SPOCK1: variants seen among roughly 807,000 people sequenced by gnomAD.
SPOCK1 encodes the protein SPARC (osteonectin), cwcv and kazal like domains proteoglycan 1, also known as testican-1.
In SPOCK1, 23 loss-of-function variants were observed where a neutral mutation model predicts 55.3. That is an observed-to-expected ratio of 0.42 (90% CI 0.30 to 0.59). The LOEUF is 0.59. SPOCK1 is among the 20% of genes least tolerant of loss of function. SPOCK1 has a pLI of 0.22. For synonymous variants in SPOCK1, 226 were observed against 221.0 expected (o/e 1.02, Z -0.20); for missense variants, 499 against 552.5 (o/e 0.90, Z 0.97).
At chr5:137,411,335 A>T (rs1380222227) in intron 2 of SPOCK1, among the ~76,000 whole-genome samples, 1 of 152,130 alleles carries the variant, frequency 6.6e-6, no homozygotes, top group Non-Finnish European at 1.5e-5. Context: ...TACAAGCAGG[A>T]GGCAAGATGG....
At chr5:137,477,209 C>CA (rs1178034625) in intron 2 of SPOCK1, among the ~76,000 whole-genome samples, 1 of 152,102 alleles carries the variant, frequency 6.6e-6, no homozygotes, top group African/African-American at 2.4e-5. Flanking sequence ...ACGAAGGGGG[C>CA]ATATACAGCT....
chr5:137,096,968 T>A (rs1241230226), intron 5 of SPOCK1, among the ~76,000 whole-genome samples: 1 of 152,034 alleles, frequency 6.6e-6, no homozygotes, highest in Non-Finnish European at 1.5e-5. Flanking sequence ...AATAACTGAG[T>A]CTCCCTCTCT....
chr5:137,105,818 A>G, intron 5 of SPOCK1, among the ~76,000 whole-genome samples: 1 of 152,192 alleles, frequency 6.6e-6, no homozygotes, highest in East Asian at 1.9e-4. Context: ...TCGAGACATA[A>G]TTGAGCCATT....
chr5:137,340,064 C>T (rs1199841054), intron 2 of SPOCK1, among the ~76,000 whole-genome samples: 2 of 151,438 alleles, frequency 1.3e-5, no homozygotes, highest in Admixed American at 6.6e-5. Context: ...GGAAGTGCCT[C>T]ATAAATTCTA....
At chr5:137,267,965 C>T (rs1756890211) in intron 2 of SPOCK1, among the ~76,000 whole-genome samples, 1 of 152,196 alleles carries the variant, frequency 6.6e-6, no homozygotes, top group East Asian at 1.9e-4. Context: ...AATTGCTTTG[C>T]TATATGTGTT....
At chr5:137,484,928 C>T (rs552932861) in intron 2 of SPOCK1, among the ~76,000 whole-genome samples, 10 of 152,064 alleles carry the variant, frequency 6.6e-5, no homozygotes, top group East Asian at 1.9e-4. Flanking sequence ...AAAAAAGACG[C>T]GCCAAATCAT....
chr5:137,399,303 C>T (rs978343603), intron 2 of SPOCK1, among the ~76,000 whole-genome samples: 1 of 152,006 alleles, frequency 6.6e-6, no homozygotes, highest in African/African-American at 2.4e-5. Flanking sequence ...TCTAATAAAC[C>T]TACTAGGGGA....
intron 6 of SPOCK1, among the ~76,000 whole-genome samples, chr5:137,038,954 A>T (rs1751937108): frequency 6.6e-6 from 1 of 152,130 alleles, no homozygotes; most frequent in African/African-American, 2.4e-5. Context: ...CTTTTATTTA[A>T]TGCAGAGAGC....
chr5:137,396,360 T>G (rs544544319), intron 2 of SPOCK1, among the ~76,000 whole-genome samples: 1 of 152,240 alleles, frequency 6.6e-6, no homozygotes, highest in Non-Finnish European at 1.5e-5. Flanking sequence ...TATACATATA[T>G]TTTTATTTAA....
intron 3 of SPOCK1, among the ~76,000 whole-genome samples, chr5:137,163,838 C>A (rs900440868): frequency 6.6e-6 from 1 of 152,150 alleles, no homozygotes; most frequent in East Asian, 1.9e-4. Flanking sequence ...GTTCCTTTAC[C>A]AAGGCACAGC....
At chr5:137,088,467 G>C (rs1460412932) in intron 5 of SPOCK1, among the ~76,000 whole-genome samples, 1 of 152,178 alleles carries the variant, frequency 6.6e-6, no homozygotes, top group Non-Finnish European at 1.5e-5. Flanking sequence ...TGATCGGCCT[G>C]CTTCCAGGCA....
At chr5:137,183,665 A>G (rs757957719) in intron 3 of SPOCK1, among the ~76,000 whole-genome samples, 6 of 152,230 alleles carry the variant, frequency 3.9e-5, no homozygotes, top group Non-Finnish European at 8.8e-5. Flanking sequence ...AGCTACCTGG[A>G]GAACACTAGA....
At chr5:137,199,807 C>A (rs901247525) in intron 3 of SPOCK1, among the ~76,000 whole-genome samples, 1 of 152,168 alleles carries the variant, frequency 6.6e-6, no homozygotes, top group African/African-American at 2.4e-5. Context: ...CATGCCCAAC[C>A]TGGGTCCCTC....
Position 137,055,415 on chromosome 5 carries a change from A to T in SPOCK1, c.589+12300T>A, listed in dbSNP as rs577009305. Among the ~76,000 whole-genome samples, 3 of 152,284 alleles carry T rather than the reference A, an allele frequency of 2.0e-5. No individual in the cohort carries two copies. The South Asian group carries it at 6.2e-4, about 32-fold the overall frequency. On this transcript the variant is annotated intron_variant, in intron 6 of 10. Coordinates refer to ENST00000394945, the MANE Select transcript of SPOCK1 (RefSeq NM_004598.4). ...GTTTTAAGCTTTAAATTTTAAATATAGCTCAGAGGCCTTGAGAAGCAAGGT... is the reference window on the plus strand; with the variant it reads ...GTTTTAAGCTTTAAATTTTAAATATTGCTCAGAGGCCTTGAGAAGCAAGGT...
rs141204755 is a variant in SPOCK1, at chr5:137,142,848, C to T, written c.233-2154G>A. 2.8e-4 allele frequency among the ~76,000 whole-genome samples: 43 copies of T among 152,316 alleles called. No individual in the cohort carries two copies. The East Asian group carries it at 7.4e-3, about 26-fold the overall frequency. On this transcript the variant is annotated intron_variant, in intron 3 of 10. Transcript: ENST00000394945. ...AGACTGGTGCAGTCTCAGCCCAGTG[C>T]ACTGCCGCCCACGCCAACCCTGGGG... is the stretch of plus-strand genomic sequence containing the variant.
chr5:137,381,654 T>C (rs1036454268), intron 2 of SPOCK1, among the ~76,000 whole-genome samples: 2 of 152,210 alleles, frequency 1.3e-5, no homozygotes, highest in Non-Finnish European at 2.9e-5. Context: ...CTTTTAGCCA[T>C]GGCCAGAGCT....
In SPOCK1 at chr5:137,004,569, C is replaced by A. The variant is rs17702883; in HGVS notation, c.590-11969G>T. On this transcript the variant is annotated intron_variant, in intron 6 of 10. Coordinates refer to ENST00000394945, the MANE Select transcript of SPOCK1 (RefSeq NM_004598.4). ...TTTGCTATTATTATTATCTCTATTT[C>A]TAGTAAAACTGCTATATTTGATCTA... Among the ~76,000 whole-genome samples, 2,373 of 152,208 alleles carry A rather than the reference C, an allele frequency of 0.016. 162 individuals carry two copies. The East Asian group carries it at 0.22, about 14-fold the overall frequency.
intron 2 of SPOCK1, among the ~76,000 whole-genome samples, chr5:137,381,904 GT>G (rs1341117361): frequency 2.0e-5 from 3 of 152,202 alleles, no homozygotes; most frequent in African/African-American, 7.2e-5. Context: ...CCAAAAATGG[GT>G]TTTTTGTTTC....
intron 3 of SPOCK1, among the ~76,000 whole-genome samples, chr5:137,231,312 G>T (rs1374516823): frequency 6.6e-6 from 1 of 152,152 alleles, no homozygotes; most frequent in Non-Finnish European, 1.5e-5. Context: ...CTCCCAAAGT[G>T]CTGGGATTAT....
Sources: allele counts gnomAD v4.1 joint callset (sites outside exome capture counted in the v4.1 genomes callset), GRCh38; gene constraint gnomAD v4.1.1; transcripts MANE v1.5; gene names NCBI Gene and HGNC (gene_info 2026-07-23, HGNC 2026-07-21).